The following TBCD variants were observed in gnomAD, a reference collection of about 807,000 sequenced individuals.
TBCD encodes the protein tubulin folding cofactor D, also known as tubulin-specific chaperone D.
Under a neutral mutation model 169.3 loss-of-function variants are expected in TBCD, and 105 were observed. That is an observed-to-expected ratio of 0.62 (90% CI 0.53 to 0.73). The LOEUF (loss-of-function observed/expected upper bound fraction) is 0.73. TBCD is among the 30% of genes least tolerant of loss of function. The pLI, the probability that TBCD is intolerant of heterozygous loss-of-function variation, is 0.00. For missense variants in TBCD, 1,444 were observed against 1,600.1 expected (o/e 0.90, Z 1.66); for synonymous variants, 700 against 643.9 (o/e 1.09, Z -1.32).
chr17:82,925,430 A>G (rs1478315470), intron 27 of TBCD, among the ~76,000 whole-genome samples: 1 of 152,160 alleles, frequency 6.6e-6, no homozygotes, highest in Non-Finnish European at 1.5e-5. Context: ...GTCGGGGCAG[A>G]GGTGGTTCCA....
At chr17:82,790,395 T>C (rs2049625033) in intron 7 of TBCD, among the ~76,000 whole-genome samples, 1 of 152,202 alleles carries the variant, frequency 6.6e-6, no homozygotes, top group Admixed American at 6.5e-5. Flanking sequence ...AAGCGTGGCC[T>C]CGGAAGCTTG....
intron 24 of TBCD, chr17:82,921,047 A>C (rs1322778522): frequency 3.9e-6 from 1 of 259,280 alleles, no homozygotes; most frequent in Non-Finnish European, 7.3e-6. Context: ...CAGTGAAGGG[A>C]GCCCCCAGGG....
chr17:82,869,376 G>C (rs2057402196), intron 13 of TBCD, among the ~76,000 whole-genome samples: 1 of 152,102 alleles, frequency 6.6e-6, no homozygotes, highest in Admixed American at 6.5e-5. Flanking sequence ...AAAAGTAGCT[G>C]GGTGTGATGG....
chr17:82,877,224 C>T (rs567726739), intron 14 of TBCD, among the ~76,000 whole-genome samples: 4 of 152,276 alleles, frequency 2.6e-5, no homozygotes, highest in Middle Eastern at 6.8e-3. Flanking sequence ...CCCTAGAACA[C>T]GTGGCTTTAC....
intron 30 of TBCD, 138 bp from the exon 31 acceptor site, chr17:82,928,975 A>G (rs781413117): frequency 4.5e-6 from 5 of 1,104,684 alleles, no homozygotes; most frequent in African/African-American, 1.6e-5. Context: ...CTGCCAACTC[A>G]GCCACCATGT....
intron 6 of TBCD, among the ~76,000 whole-genome samples, chr17:82,774,255 A>G (rs2048450299): frequency 1.3e-5 from 2 of 152,044 alleles, no homozygotes; most frequent in Non-Finnish European, 2.9e-5. Flanking sequence ...GATGACTCTT[A>G]AGGAGCATGC....
At chr17:82,867,025 G>C (rs1042429294) in intron 13 of TBCD, among the ~76,000 whole-genome samples, 1 of 152,242 alleles carries the variant, frequency 6.6e-6, no homozygotes, top group East Asian at 1.9e-4. Flanking sequence ...CTGCACAGCT[G>C]TCTCTGGGTG....
At chr17:82,812,103 A>G (rs560797579) in intron 12 of TBCD, among the ~76,000 whole-genome samples, 1 of 152,110 alleles carries the variant, frequency 6.6e-6, no homozygotes, top group East Asian at 1.9e-4. Context: ...CCCTGGACCT[A>G]GGAAGTAGCG....
chr17:82,906,450 A>G (rs187994110), intron 20 of TBCD, among the ~76,000 whole-genome samples: 2 of 152,334 alleles, frequency 1.3e-5, no homozygotes, highest in Non-Finnish European at 1.5e-5. Flanking sequence ...ATCACGTTCC[A>G]TAGTTTAAAA....
At chr17:82,891,623 G>A (rs2059143484) in intron 16 of TBCD, among the ~76,000 whole-genome samples, 1 of 152,214 alleles carries the variant, frequency 6.6e-6, no homozygotes, top group Non-Finnish European at 1.5e-5. Flanking sequence ...CAGGGAAGCA[G>A]CCTAAAAACC....
intron 2 of TBCD, 37 bp from the exon 3 acceptor site, chr17:82,763,928 C>A: frequency 6.4e-7 from 1 of 1,574,204 alleles, no homozygotes; most frequent in South Asian, 1.1e-5. Context: ...TGTTGATGTT[C>A]ACTTTTACAG....
rs373569797 is a variant in TBCD, at chr17:82,941,421, A to G, written c.3502A>G (p.Arg1168Gly). 3.8e-6 allele frequency: 6 copies of G among 1,599,784 alleles called. No individual in the cohort carries two copies. The highest frequency in any genetic ancestry group is 2.2e-5 in the South Asian group (2 of 89,096). The change falls in exon 38 of 39, where the codon AGA becomes GGA. Residue 1168 changes from arginine (R) to glycine (G), a missense_variant. Physicochemically the swap from Arg to Gly is moderately radical, Grantham distance 125. Coordinates refer to ENST00000355528, the MANE Select transcript of TBCD (RefSeq NM_005993.5). Reference protein sequence around the residue: ...TAWDAELAVVREQRNRLCDLL... With the variant: ...TAWDAELAVVGEQRNRLCDLL... ...CAGGGACGCGGAGCTTGCAGTGGTG[A>G]GAGAGCAGCGCAACCGTCTGTGTGA...
In TBCD at chr17:82,805,917, C is replaced by T. The variant is rs151316825; in HGVS notation, c.993C>T (p.Leu331=). Residue 331 remains leucine, a synonymous_variant, in exon 10 of 39, where the codon CTC becomes CTT. Coordinates refer to ENST00000355528, the MANE Select transcript of TBCD (RefSeq NM_005993.5). ...GATCTTTGGCTGCAAATCTGCAGCTCCTCACTCAGGGTCAGAGTGAGCAGA... is the reference window on the plus strand; with the variant it reads ...GATCTTTGGCTGCAAATCTGCAGCTTCTCACTCAGGGTCAGAGTGAGCAGA... The part of the protein sequence containing the change: ...GCRSLAANLQ[L]LTQGQSEQKP... The T allele has an allele frequency of 2.6e-4, 426 of 1,612,660 alleles. 1 individual carries two copies. The African/African-American group carries it at 5.2e-3, about 20-fold the overall frequency.
rs1397186014 is a variant in TBCD at position 82,938,136 on chromosome 17, GGTGA to G, written c.3369+4_3369+7del. On this transcript the variant is annotated splice_donor_variant and splice_donor_region_variant and intron_variant, in intron 36 of 38. Transcript: ENST00000355528. LOFTEE classifies it high-confidence loss of function. ...TGCTCCTCTGCCACCGTTTCCCGCT[GGTGA>G]GTGCCTGCCCCTGCTCACGTGTGTT... 6.2e-7 allele frequency: 1 copy of G among 1,611,590 alleles called. No homozygotes were observed. The highest frequency in any genetic ancestry group is 8.5e-7 in the Non-Finnish European group (1 of 1,179,736).
At position 82,924,994 on chromosome 17, in the gene TBCD, C is replaced by T. The variant is rs1394361556; in HGVS notation, c.2316C>T (p.Arg772=). The change falls in exon 27 of 39, where the codon CGC becomes CGT. Residue 772 remains arginine, a synonymous_variant. Transcript: ENST00000355528. ...TTCGGAACCCCGAGGAGATGACTCG[C>T]TGTGGCTTCTCGTTGGCCTTGGGCG... ...AELRNPEEMT[R]CGFSLALGAL... The T allele has an allele frequency of 6.3e-7, 1 of 1,575,424 alleles. No individual in the cohort carries two copies.
chr17:82,779,116 A>C (rs991380912), intron 6 of TBCD, among the ~76,000 whole-genome samples: 3 of 151,576 alleles, frequency 2.0e-5, no homozygotes, highest in Non-Finnish European at 2.9e-5. Context: ...AGTTCAAGTG[A>C]TTCTCATGCC....
At chr17:82,941,605 T>A in intron 38 of TBCD, 122 bp downstream of exon 38, 1 of 843,460 alleles carries the variant, frequency 1.2e-6, no homozygotes, top group Non-Finnish European at 1.8e-6. Context: ...CCTCGTCTCA[T>A]GTCAGGACCC....
chr17:82,870,720 C>T (rs966740216), intron 14 of TBCD, among the ~76,000 whole-genome samples: 10 of 152,228 alleles, frequency 6.6e-5, no homozygotes, highest in Non-Finnish European at 2.9e-5. Flanking sequence ...CGCAGGTGAT[C>T]GGCACGCTGG....
In TBCD at chr17:82,884,455, T is replaced by G. The variant is rs945040233; in HGVS notation, c.1533+253T>G. ...ATCACTGCTGGGGGTTGATGGGTGA[T>G]GGAGGCGAGTGGGAGGTGCCCGATG... On this transcript the variant is annotated intron_variant, in intron 15 of 38. Coordinates refer to ENST00000355528, the MANE Select transcript of TBCD (RefSeq NM_005993.5). This position sits in a 1 kb window ranked among gnomAD's most constrained non-coding sequence, Gnocchi z 4.2. Among the ~76,000 whole-genome samples the G allele has an allele frequency of 2.6e-5, 4 of 152,164 alleles. No homozygotes were observed. The highest frequency in any genetic ancestry group is 2.0e-4 in the Admixed American group (3 of 15,276).
Sources: allele counts gnomAD v4.1 joint callset (sites outside exome capture counted in the v4.1 genomes callset), GRCh38; gene constraint gnomAD v4.1.1; non-coding constraint Gnocchi (gnomAD v3.1); transcripts MANE v1.5; gene names NCBI Gene and HGNC (gene_info 2026-07-23, HGNC 2026-07-21).